The following NLRP5 variants were observed in gnomAD, a reference collection of about 807,000 sequenced individuals.
The protein encoded by NLRP5 is NACHT, LRR and PYD domains-containing protein 5.
A neutral mutation model predicts 113.1 loss-of-function variants in NLRP5; 93 were observed. The observed-to-expected ratio is 0.82, with a 90% CI of 0.70 to 0.98. The LOEUF (loss-of-function observed/expected upper bound fraction) is 0.98. Among genes scored for constraint, NLRP5 ranks in the 50% least tolerant of loss-of-function variants. NLRP5 has a pLI of 0.00. For synonymous variants in NLRP5, 751 were observed against 600.7 expected, an observed-to-expected ratio of 1.25 and a Z score of -3.66; for missense variants, 1,808 against 1,514.3, an observed-to-expected ratio of 1.19 and a Z score of -3.22.
At chr19:56,040,466 G>A (rs768741172) in intron 10 of NLRP5, among the ~76,000 whole-genome samples, 2 of 152,142 alleles carry the variant, frequency 1.3e-5, no homozygotes, top group Admixed American at 6.6e-5. Flanking sequence ...TACTCAGGAG[G>A]CTGAGGCCGG....
chr19:55,989,106 T>G, the NLRP5 span, among the ~76,000 whole-genome samples: 1 of 152,232 alleles, frequency 6.6e-6, no homozygotes, highest in African/African-American at 2.4e-5. Context: ...CAATGTTCTA[T>G]CATCAGTGTT....
chr19:56,008,712 G>A (rs548388242), intron 2 of NLRP5, 76 bp from the exon 3 acceptor site: 23 of 1,299,270 alleles, frequency 1.8e-5, no homozygotes, highest in South Asian at 2.5e-5. Flanking sequence ...ATTTGGACAC[G>A]GGACATTCTT....
At chr19:56,061,343 G>GA in intron 14 of NLRP5, 53 bp from the exon 15 acceptor site, 2 of 1,589,028 alleles carry the variant, frequency 1.3e-6, no homozygotes, top group Non-Finnish European at 1.7e-6. Context: ...TTGAAGAAGG[G>GA]AGAAGAGTCG....
intron 11 of NLRP5, among the ~76,000 whole-genome samples, chr19:56,047,769 T>C (rs1299882820): frequency 6.6e-6 from 1 of 152,200 alleles, no homozygotes; most frequent in Non-Finnish European, 1.5e-5. Flanking sequence ...TTTAAATCCA[T>C]TGTTTCTTTG....
chr19:56,008,779 G>C lies in NLRP5; in HGVS notation c.443-9G>C. 1 of 1,604,384 alleles carries C rather than the reference G, an allele frequency of 6.2e-7. No homozygotes were observed. Among genetic ancestry groups the C allele is most frequent in the Non-Finnish European group, 8.5e-7 (1 of 1,175,334 alleles). ...TTGAGGCCAGTCTCCCTTTTTCTTT[G>C]TCTTCCAGGACATTCACCAGAAGAT... is the stretch of plus-strand genomic sequence containing the variant. On this transcript the variant is annotated splice_polypyrimidine_tract_variant and intron_variant, in intron 2 of 14. Coordinates refer to ENST00000390649, the MANE Select transcript of NLRP5 (RefSeq NM_153447.4).
intron 7 of NLRP5, among the ~76,000 whole-genome samples, chr19:56,029,892 T>G (rs1173636706): frequency 6.6e-6 from 1 of 150,466 alleles, no homozygotes; most frequent in Admixed American, 6.7e-5. Context: ...CCATCTCTAC[T>G]AAAAATACAA....
At chr19:56,039,988 C>T (rs1203018853) in intron 10 of NLRP5, among the ~76,000 whole-genome samples, 1 of 152,114 alleles carries the variant, frequency 6.6e-6, no homozygotes, top group East Asian at 1.9e-4. Context: ...GGTGGTCTTG[C>T]TCACTGTTCT....
chr19:56,025,740 C>G (rs2123301539), intron 6 of NLRP5, among the ~76,000 whole-genome samples: 1 of 152,136 alleles, frequency 6.6e-6, no homozygotes, highest in South Asian at 2.1e-4. Flanking sequence ...CAGGATTCCC[C>G]CATTGCGTGG....
rs371238758 is a variant in NLRP5 at position 56,025,845 on chromosome 19, C to T, written c.680-1068C>T. The stretch of plus-strand genomic sequence containing the variant: ...TGCATCCGTGGCTCCCTCAAGTTCC[C>T]CTCCCCCTCCCCAAGGCCACTTATG... On this transcript the variant is annotated intron_variant, in intron 6 of 14. Coordinates refer to ENST00000390649, the MANE Select transcript of NLRP5 (RefSeq NM_153447.4). 2.6e-5 allele frequency among the ~76,000 whole-genome samples: 4 copies of T among 152,162 alleles called. No homozygotes were observed. The East Asian group carries it at 5.8e-4, about 22-fold the overall frequency.
intron 3 of NLRP5, among the ~76,000 whole-genome samples, chr19:56,012,740 T>G (rs1982246799): frequency 6.6e-6 from 1 of 152,176 alleles, no homozygotes; most frequent in Admixed American, 6.6e-5. Context: ...ACAGACTTCT[T>G]TCAAGTGTTA....
In NLRP5 at chr19:56,035,848, A is replaced by G. The variant is rs116452118; in HGVS notation, c.2615+2139A>G. Reference sequence around the variant, plus strand: ...GACATTGGAAGATGGATTGGGCCACATCGTGAAGGGTTTCCATTCACTATC... The same window carrying G: ...GACATTGGAAGATGGATTGGGCCACGTCGTGAAGGGTTTCCATTCACTATC... On this transcript the variant is annotated intron_variant, in intron 9 of 14. Transcript: ENST00000390649. Among the ~76,000 whole-genome samples, 416 of 152,272 alleles carry G rather than the reference A, an allele frequency of 2.7e-3. 5 individuals are homozygous for G. The highest frequency in any genetic ancestry group is 9.7e-3 in the African/African-American group (401 of 41,552).
the NLRP5 span, among the ~76,000 whole-genome samples, chr19:55,990,088 T>TTTC: frequency 7.6e-5 from 5 of 65,432 alleles, no homozygotes; most frequent in Admixed American, 1.6e-4. Flanking sequence ...TCTTTTTTTT[T>TTTC]TTTTTTTTTT....
intron 6 of NLRP5, among the ~76,000 whole-genome samples, chr19:56,026,161 C>A (rs1982836040): frequency 6.6e-6 from 1 of 152,032 alleles, no homozygotes; most frequent in South Asian, 2.1e-4. Flanking sequence ...AAACAAGACC[C>A]ATGTCTGGAG....
intron 4 of NLRP5, among the ~76,000 whole-genome samples, chr19:56,017,662 A>G (rs1470480281): frequency 6.6e-6 from 1 of 152,184 alleles, no homozygotes; most frequent in Non-Finnish European, 1.5e-5. Context: ...AGCATGTTTT[A>G]TGCCTGATGT....
rs1983837235 is a variant in NLRP5, at chr19:56,049,149, C to T, written c.2958-1269C>T. Among the ~76,000 whole-genome samples the T allele has an allele frequency of 6.2e-5, 8 of 129,666 alleles. No homozygotes were observed. In the South Asian group the frequency reaches 2.0e-3, roughly 32 times the overall value. The allele number at this position is 129,666 out of a possible 152,430, so 85.1% of individuals were successfully genotyped here. A position where few individuals can be genotyped will look rare whatever the true frequency, so the allele number is the denominator to read the frequency against. On this transcript the variant is annotated intron_variant, in intron 11 of 14. Coordinates refer to ENST00000390649, the MANE Select transcript of NLRP5 (RefSeq NM_153447.4). ...GGTGTGTGCCGCCACACCCAGCTAACTTATTTTTTATTTTTTATATTTATT... is the reference window on the plus strand; with the variant it reads ...GGTGTGTGCCGCCACACCCAGCTAATTTATTTTTTATTTTTTATATTTATT...
intron 9 of NLRP5, among the ~76,000 whole-genome samples, chr19:56,036,102 T>G (rs866119391): frequency 7.2e-6 from 1 of 139,130 alleles, no homozygotes; most frequent in Non-Finnish European, 1.5e-5. Flanking sequence ...CTTGCTCTGT[T>G]GCCCAGGCTG....
rs1982364388 is a variant in NLRP5, at chr19:56,015,359, T to TAATTTTTTG, written c.509-375_509-367dup. ...ACAGGCACACGCCACCATGCCTGGC[T>TAATTTTTTG]AATTTTTTGAATTTTTAGTAGAGAC... On this transcript the variant is annotated intron_variant, in intron 3 of 14. Transcript: ENST00000390649. 3.3e-5 allele frequency among the ~76,000 whole-genome samples: 5 copies of TAATTTTTTG among 152,254 alleles called. No homozygotes were observed. In the South Asian group the frequency reaches 6.2e-4, roughly 19 times the overall value.
chr19:56,029,846 G>T (rs1200221370), intron 7 of NLRP5, among the ~76,000 whole-genome samples: 1 of 151,690 alleles, frequency 6.6e-6, no homozygotes, highest in East Asian at 2.0e-4. Flanking sequence ...CACGAGGTCA[G>T]GAGTTCGAGA....
rs964573445 is a variant in NLRP5 at position 56,015,849 on chromosome 19, T to G, written c.565+51T>G. 1.8e-5 allele frequency: 26 copies of G among 1,418,124 alleles called. No individual in the cohort carries two copies. The East Asian group carries it at 6.6e-4, about 36-fold the overall frequency. 87.8% of individuals were successfully genotyped at this position (1,418,124 alleles called of 1,614,324 possible). On this transcript the variant is annotated intron_variant, in intron 4 of 14. Transcript: ENST00000390649. ...GTTGCCCTCCTGGAAGAAAGTTGGG[T>G]GAGAGAAGTTCATGTAGTTCAAAGG...
Sources: gnomAD v4.1 joint callset for allele counts (sites outside exome capture counted in the v4.1 genomes callset) on GRCh38, gnomAD v4.1.1 for gene constraint, MANE v1.5 for transcripts, NCBI Gene and HGNC (gene_info 2026-07-23, HGNC 2026-07-21) for gene names.